MGAT4C: variants seen among roughly 807,000 people sequenced by gnomAD.
MGAT4C encodes MGAT4 family member C.
MGAT4C carries 19 observed loss-of-function variants against 40.1 expected under a neutral mutation model. The observed-to-expected ratio is 0.47, with a 90% CI of 0.33 to 0.70. The LOEUF is 0.70. Among genes scored for constraint, MGAT4C ranks in the 30% least tolerant of loss-of-function variants. The pLI is 0.02. For synonymous variants in MGAT4C, 181 were observed against 187.1 expected (o/e 0.97, Z 0.27); for missense variants, 491 against 563.2 (o/e 0.87, Z 1.30).
intron 2 of MGAT4C, among the ~76,000 whole-genome samples, chr12:86,561,742 A>G (rs1480303434): frequency 6.6e-6 from 1 of 152,154 alleles, no homozygotes; most frequent in Non-Finnish European, 1.5e-5. Context: ...ATTCCCCTTC[A>G]TATATACATC....
At chr12:86,517,078 A>G (rs1958703920) in intron 2 of MGAT4C, among the ~76,000 whole-genome samples, 1 of 152,190 alleles carries the variant, frequency 6.6e-6, no homozygotes, top group African/African-American at 2.4e-5. Context: ...TAACCCTCAT[A>G]CATTGCAAGC....
intron 2 of MGAT4C, among the ~76,000 whole-genome samples, chr12:86,554,022 TTA>T (rs1377647531): frequency 3.3e-5 from 5 of 152,064 alleles, no homozygotes; most frequent in African/African-American, 4.8e-5. Context: ...CTCAGAGACC[TTA>T]TGTTTGTTTC....
intron 1 of MGAT4C, among the ~76,000 whole-genome samples, chr12:86,233,164 G>T (rs1951398759): frequency 6.6e-6 from 1 of 152,118 alleles, no homozygotes; most frequent in African/African-American, 2.4e-5. Flanking sequence ...TGCCCTTGTG[G>T]TGCAATGTGA....
chr12:86,438,575 GTAAC>G (rs1207558986), intron 2 of MGAT4C, among the ~76,000 whole-genome samples: 5 of 151,872 alleles, frequency 3.3e-5, no homozygotes, highest in Non-Finnish European at 7.4e-5. Flanking sequence ...AGAAAACAAA[GTAAC>G]TATGTAACAA....
intron 2 of MGAT4C, among the ~76,000 whole-genome samples, chr12:86,597,527 A>T (rs1385029277): frequency 6.6e-5 from 10 of 152,202 alleles, no homozygotes. Context: ...ACTCTGTTAA[A>T]AGATTATAGT....
chr12:86,278,600 T>C (rs1309961132), intron 4 of MGAT4C, among the ~76,000 whole-genome samples: 1 of 152,238 alleles, frequency 6.6e-6, no homozygotes, highest in Non-Finnish European at 1.5e-5. Context: ...AATTTCTTGG[T>C]GGAGTCCTTA....
At chr12:86,631,677 G>A (rs552468035) in intron 2 of MGAT4C, among the ~76,000 whole-genome samples, 25 of 151,980 alleles carry the variant, frequency 1.6e-4, no homozygotes, top group Admixed American at 1.6e-3. Context: ...TTTAATAAAT[G>A]GTGCTGGGAA....
chr12:86,683,621 A>G (rs1406064729), intron 2 of MGAT4C, among the ~76,000 whole-genome samples: 1 of 152,176 alleles, frequency 6.6e-6, no homozygotes, highest in Non-Finnish European at 1.5e-5. Context: ...CACTATGCTA[A>G]TTTGTCTTAT....
At chr12:86,588,451 A>T (rs1961165589) in intron 2 of MGAT4C, among the ~76,000 whole-genome samples, 1 of 152,020 alleles carries the variant, frequency 6.6e-6, no homozygotes, top group Non-Finnish European at 1.5e-5. Flanking sequence ...CACATTAATA[A>T]TGGGAGACTT....
intron 4 of MGAT4C, among the ~76,000 whole-genome samples, chr12:86,280,838 T>C (rs567730887): frequency 2.0e-5 from 3 of 152,230 alleles, no homozygotes; most frequent in African/African-American, 7.2e-5. Flanking sequence ...ATTTACAAAG[T>C]ACATATTTTA....
intron 1 of MGAT4C, among the ~76,000 whole-genome samples, chr12:86,093,184 G>T (rs1379462878): frequency 6.6e-6 from 1 of 152,024 alleles, no homozygotes; most frequent in African/African-American, 2.4e-5. Context: ...GCTTTCATCT[G>T]TTCCCCTTCA....
intron 1 of MGAT4C, among the ~76,000 whole-genome samples, chr12:86,180,724 A>G (rs1888020311): frequency 2.0e-5 from 3 of 152,162 alleles, no homozygotes; most frequent in South Asian, 4.1e-4. Flanking sequence ...GAATGGCTAT[A>G]TGTACTCAAT....
intron 1 of MGAT4C, among the ~76,000 whole-genome samples, chr12:86,200,536 T>C (rs185304853): frequency 6.6e-6 from 1 of 152,286 alleles, no homozygotes; most frequent in East Asian, 1.9e-4. Context: ...GTTTCAATTT[T>C]AGGCCTTCTA....
chr12:86,742,256 A>G (rs1951080086), intron 1 of MGAT4C, among the ~76,000 whole-genome samples: 1 of 151,412 alleles, frequency 6.6e-6, no homozygotes, highest in Non-Finnish European at 1.5e-5. Context: ...TGCACTCCCT[A>G]TTTGGAATAT....
chr12:86,015,863 C>G (rs576948200), intron 2 of MGAT4C: 1 of 152,308 alleles, frequency 6.6e-6, no homozygotes, highest in African/African-American at 2.4e-5. Flanking sequence ...CACAATTGAG[C>G]ATCCCTGTGT....
chr12:86,276,302 G>A (rs1953080354), intron 4 of MGAT4C, among the ~76,000 whole-genome samples: 1 of 151,950 alleles, frequency 6.6e-6, no homozygotes, highest in South Asian at 2.1e-4. Flanking sequence ...TAGGTATATG[G>A]TGTCTATATT....
chr12:86,787,654 T>C (rs990664037), intron 1 of MGAT4C, among the ~76,000 whole-genome samples: 3 of 152,134 alleles, frequency 2.0e-5, no homozygotes, highest in African/African-American at 7.2e-5. Flanking sequence ...GAAAAGGGAT[T>C]GGTCATACAC....
intron 2 of MGAT4C, among the ~76,000 whole-genome samples, chr12:86,499,903 C>T (rs991236235): frequency 6.6e-6 from 1 of 151,814 alleles, no homozygotes; most frequent in African/African-American, 2.4e-5. Context: ...GGAGAGAAGA[C>T]AAACATATGG....
chr12:86,187,908 T>C (rs2135890453), intron 1 of MGAT4C, among the ~76,000 whole-genome samples: 1 of 152,204 alleles, frequency 6.6e-6, no homozygotes, highest in Admixed American at 6.6e-5. Context: ...GGAAATTCTC[T>C]CGACAAATCA....
Sources: allele counts gnomAD v4.1 joint callset (sites outside exome capture counted in the v4.1 genomes callset), GRCh38; gene constraint gnomAD v4.1.1; transcripts MANE v1.5; gene names NCBI Gene and HGNC (gene_info 2026-07-23, HGNC 2026-07-21).